VLDLR: variants seen among roughly 807,000 people sequenced by gnomAD.
VLDLR encodes the protein very low density lipoprotein receptor, also known as very low-density lipoprotein receptor.
A neutral mutation model predicts 112.7 loss-of-function variants in VLDLR; 81 were observed. The observed-to-expected ratio is 0.72, with a 90% confidence interval of 0.60 to 0.86. The LOEUF (loss-of-function observed/expected upper bound fraction) is 0.86. Ranked by LOEUF, VLDLR falls within the 40% of genes least tolerant of loss-of-function variation. VLDLR has a pLI of 0.00. For missense variants in VLDLR, 1,237 were observed against 1,099.4 expected (o/e 1.13, Z -1.77); for synonymous variants, 436 against 384.8 (o/e 1.13, Z -1.56).
chr9:2,635,634 A>C, intron 2 of VLDLR, 62 bp downstream of exon 2: 1 of 1,609,520 alleles, frequency 6.2e-7, no homozygotes, highest in African/African-American at 1.3e-5. Flanking sequence ...TTAGTCTGCA[A>C]ATGTATTGAG....
intron 16 of VLDLR, 23 bp from the exon 17 acceptor site, chr9:2,651,851 T>G (rs756943532): frequency 1.2e-6 from 2 of 1,613,776 alleles, no homozygotes; most frequent in South Asian, 1.1e-5. Context: ...CCTTCTAAAC[T>G]GATTCCTTTT....
In VLDLR at chr9:2,621,833, C is replaced by A. The variant is rs1452009089; in HGVS notation, c.-357C>A. 1.9e-6 allele frequency: 1 copy of A among 519,074 alleles called. No individual in the cohort carries two copies. The highest frequency in any genetic ancestry group is 3.7e-6 in the Non-Finnish European group (1 of 272,400). 32.2% of individuals were successfully genotyped at this position (519,074 alleles called of 1,614,324 possible). A position where few individuals can be genotyped will look rare whatever the true frequency, so the allele number is the denominator to read the frequency against. ...CGGTGCGGGTGCTCCGCTACCGGCT[C>A]CTCTCCGTTCTGTGCTCTCTTCTGC... On this transcript the variant is annotated 5_prime_UTR_variant, in exon 1 of 19. Coordinates refer to ENST00000382100, the MANE Select transcript of VLDLR (RefSeq NM_003383.5).
rs544992145 is a variant in VLDLR at position 2,658,634 on chromosome 9, G to A, written c.*4766G>A. The A allele has an allele frequency of 6.6e-6, 1 of 152,280 alleles. No individual in the cohort carries two copies. Among genetic ancestry groups the A allele is most frequent in the East Asian group, 1.9e-4 (1 of 5,190 alleles). The allele number at this position is 152,280 out of a possible 1,614,324, so 9.4% of individuals were successfully genotyped here. On this transcript the variant is annotated 3_prime_UTR_variant, in exon 19 of 19. Transcript: ENST00000382100. ...CTAACTCCCTCTGTAAAGTAGAGAC[G>A]ATGGGGACTGTCTCACTGTGACAAG...
chr9:2,643,403 G>A lies in VLDLR; in HGVS notation c.692G>A (p.Arg231His), dbSNP rs767529669. ...GATGAGTCCCTGGAGCAGTGTGGCC[G>A]TCAGCCAGTCATACACACCAAGTGT... ...QSDESLEQCG[R>H]QPVIHTKCPA... Residue 231 changes from arginine (R) to histidine (H), a missense_variant, in exon 5 of 19, where the codon CGT becomes CAT. Arg to His is a conservative substitution (Grantham distance 29). Coordinates refer to ENST00000382100, the MANE Select transcript of VLDLR (RefSeq NM_003383.5). 41 of 1,613,982 alleles carry A rather than the reference G, an allele frequency of 2.5e-5. No homozygotes were observed. Among genetic ancestry groups the A allele is most frequent in the Middle Eastern group, 1.6e-4 (1 of 6,084 alleles).
chr9:2,651,631 G>C, intron 16 of VLDLR, 133 bp downstream of exon 16: 2 of 942,212 alleles, frequency 2.1e-6, no homozygotes, highest in Non-Finnish European at 3.2e-6. Context: ...AAACACCAAA[G>C]ACTTAAAACT....
intron 1 of VLDLR, among the ~76,000 whole-genome samples, chr9:2,625,300 T>C (rs1249019152): frequency 6.6e-6 from 1 of 152,200 alleles, no homozygotes; most frequent in Non-Finnish European, 1.5e-5. Flanking sequence ...AGGGAACACA[T>C]AGTACCCAGC....
Position 2,653,882 on chromosome 9 carries a change from T to C in VLDLR, c.*14T>C, listed in dbSNP as rs1021914190. On this transcript the variant is annotated 3_prime_UTR_variant, in exon 19 of 19. Transcript: ENST00000382100. ...GATCTAGCTTGACTTCTGTGACAAA[T>C]GTTGACCTTTGAGGTCTAAACAAAT... is the stretch of plus-strand genomic sequence containing the variant. 1.9e-6 allele frequency: 3 copies of C among 1,613,874 alleles called. No homozygotes were observed. Among genetic ancestry groups the C allele is most frequent in the Non-Finnish European group, 8.5e-7 (1 of 1,179,792 alleles).
chr9:2,648,816 G>A lies in VLDLR; in HGVS notation c.2104+6G>A, dbSNP rs773398189. 24 of 1,613,994 alleles carry A rather than the reference G, an allele frequency of 1.5e-5. No homozygotes were observed. Among genetic ancestry groups the A allele is most frequent in the Middle Eastern group, 3.3e-4 (2 of 6,084 alleles). On this transcript the variant is annotated splice_donor_region_variant and intron_variant, in intron 14 of 18. Transcript: ENST00000382100. ...TGAACTTGTACAGCCATCAGGTACCGTGGAGAAGCACAGTCCTTAATAACT... is the reference window on the plus strand; with the variant it reads ...TGAACTTGTACAGCCATCAGGTACCATGGAGAAGCACAGTCCTTAATAACT...
In VLDLR at chr9:2,645,585, A is replaced by C. The variant is rs1818032663; in HGVS notation, c.1324A>C (p.Ser442Arg). The change falls in exon 10 of 19, where the codon AGT becomes CGT. Residue 442 changes from serine (S) to arginine (R), a missense_variant. Transcript: ENST00000382100. ...CTTCCATCTTGCAGGCAAAGAGCCAAGTCTGATCTTCACTAATCGAAGAGA... is the reference window on the plus strand; with the variant it reads ...CTTCCATCTTGCAGGCAAAGAGCCACGTCTGATCTTCACTAATCGAAGAGA... ...GVCKAVGKEP[S>R]LIFTNRRDIR... 1 of 1,614,260 alleles carries C rather than the reference A, an allele frequency of 6.2e-7. No individual in the cohort carries two copies. Among genetic ancestry groups the C allele is most frequent in the Non-Finnish European group, 8.5e-7 (1 of 1,180,040 alleles).
chr9:2,652,750 C>G lies in VLDLR; in HGVS notation c.2417-30C>G. On this transcript the variant is annotated intron_variant, in intron 17 of 18. Transcript: ENST00000382100. Reference sequence around the variant, plus strand: ...TTGTATGTTCCAATACTAGACTTAGCTCACTTAGCTACCCTCTGATTTTTT... The same window carrying G: ...TTGTATGTTCCAATACTAGACTTAGGTCACTTAGCTACCCTCTGATTTTTT... 3 of 1,613,946 alleles carry G rather than the reference C, an allele frequency of 1.9e-6. No homozygotes were observed. The South Asian group carries it at 3.3e-5, about 18-fold the overall frequency.
At chr9:2,643,029 C>A in intron 4 of VLDLR, 131 bp from the exon 5 acceptor site, 1 of 1,374,410 alleles carries the variant, frequency 7.3e-7, no homozygotes, top group Non-Finnish European at 1.0e-6. Context: ...GATTTAACTC[C>A]ATTGTAGCCT....
intron 1 of VLDLR, among the ~76,000 whole-genome samples, chr9:2,623,172 T>C (rs923908266): frequency 1.3e-5 from 2 of 152,198 alleles, no homozygotes; most frequent in African/African-American, 2.4e-5. Flanking sequence ...TGGCCCTGTC[T>C]TGTTGGGAAG....
At position 2,651,460 on chromosome 9, in the gene VLDLR, C is replaced by T. The variant is rs1253837536; in HGVS notation, c.2297C>T (p.Thr766Ile). 3.1e-6 allele frequency: 5 copies of T among 1,613,986 alleles called. No individual in the cohort carries two copies. The highest frequency in any genetic ancestry group is 4.2e-6 in the Non-Finnish European group (5 of 1,179,950). The change falls in exon 16 of 19, where the codon ACA (threonine) becomes ATA (isoleucine). Residue 766 changes from threonine to isoleucine, a missense_variant. Coordinates refer to ENST00000382100, the MANE Select transcript of VLDLR (RefSeq NM_003383.5). The stretch of plus-strand genomic sequence containing the variant: ...TACAGTGAGACAAAAGATACGAACA[C>T]AACAGAAATTTCAGCAACTAGTGGA... ...VTYSETKDTN[T>I]TEISATSGLV... is the part of the protein sequence containing the mutation.
At position 2,644,874 on chromosome 9, in the gene VLDLR, T is replaced by C. The variant is rs7863951; in HGVS notation, c.1186+21T>C. On this transcript the variant is annotated intron_variant, in intron 8 of 18. Coordinates refer to ENST00000382100, the MANE Select transcript of VLDLR (RefSeq NM_003383.5). Reference sequence around the variant, plus strand: ...TGGAGGTGAGTCTAAGAAGAAAACCTGGACCCTGCAGGTGATGGGAAAGGA... The same window carrying C: ...TGGAGGTGAGTCTAAGAAGAAAACCCGGACCCTGCAGGTGATGGGAAAGGA... 5.1e-3 allele frequency: 8,190 copies of C among 1,614,098 alleles called. 379 individuals are homozygous for C. The African/African-American group carries it at 0.097, about 19-fold the overall frequency.
At position 2,650,295 on chromosome 9, in the gene VLDLR, CAACATGTAG is replaced by C. The variant is rs552987605; in HGVS notation, c.2105-70_2105-62del. ...TCTTGGGGGCAAGGACTCAGGTCTT[CAACATGTAG>C]AACAAGGCTTTATATATACTAGGCA... On this transcript the variant is annotated intron_variant, in intron 14 of 18. Transcript: ENST00000382100. The C allele has an allele frequency of 1.9e-4, 301 of 1,596,558 alleles. No individual in the cohort carries two copies. In the African/African-American group the frequency reaches 3.6e-3, roughly 19 times the overall value.
At chr9:2,647,645 C>A in intron 12 of VLDLR, 53 bp downstream of exon 12, 1 of 1,442,030 alleles carries the variant, frequency 6.9e-7, no homozygotes, top group East Asian at 2.3e-5. Context: ...CATAGTGTTT[C>A]CATTTATCTC....
At chr9:2,648,167 G>C in intron 12 of VLDLR, 41 bp from the exon 13 acceptor site, 1 of 1,611,684 alleles carries the variant, frequency 6.2e-7, no homozygotes, top group Non-Finnish European at 8.5e-7. Context: ...AGCCAGAGTA[G>C]TAGTGGCTTG....
Position 2,647,557 on chromosome 9 carries a change from C to T in VLDLR, c.1787C>T (p.Thr596Ile), listed in dbSNP as rs970643012. 4.3e-6 allele frequency: 7 copies of T among 1,614,044 alleles called. No individual in the cohort carries two copies. In the African/African-American group the frequency reaches 5.3e-5, roughly 12 times the overall value. The part of the protein sequence containing the change: ...MNGFDRRPLV[T>I]ADIQWPNGIT... ...GGATTCGATAGACGTCCACTGGTGA[C>T]AGCGGATATCCAGTGGCCTAACGGA... The change falls in exon 12 of 19, where the codon ACA becomes ATA. Residue 596 changes from threonine to isoleucine, a missense_variant. By Grantham distance (89) the Thr-to-Ile change is moderately conservative. Transcript: ENST00000382100.
intron 2 of VLDLR, among the ~76,000 whole-genome samples, chr9:2,637,908 A>C (rs900224823): frequency 5.9e-5 from 9 of 152,190 alleles, no homozygotes; most frequent in Admixed American, 5.9e-4. Context: ...ACGCCACTGC[A>C]CTCCAGCCTG....
Sources: allele counts gnomAD v4.1 joint callset (sites outside exome capture counted in the v4.1 genomes callset), GRCh38; gene constraint gnomAD v4.1.1; transcripts MANE v1.5; gene names NCBI Gene and HGNC (gene_info 2026-07-23, HGNC 2026-07-21).